The following EPM2A variants were observed in gnomAD, a reference collection of about 807,000 sequenced individuals.
The protein encoded by EPM2A is EPM2A glucan phosphatase, laforin.
EPM2A carries 21 observed loss-of-function variants against 26.5 expected under a neutral mutation model. The observed-to-expected ratio is 0.79, with a 90% CI of 0.56 to 1.14. EPM2A has a LOEUF of 1.14. Ranked by LOEUF, EPM2A falls within the 50% of genes most tolerant of loss-of-function variation. The pLI is 0.00. For missense variants in EPM2A, 458 were observed against 440.8 expected, an observed-to-expected ratio of 1.04 and a Z score of -0.35; for synonymous variants, 217 against 177.6, an observed-to-expected ratio of 1.22 and a Z score of -1.76.
At chr6:145,656,720 T>C (rs950691400) in intron 2 of EPM2A, among the ~76,000 whole-genome samples, 1 of 152,190 alleles carries the variant, frequency 6.6e-6, no homozygotes. Context: ...AAAGGAGTTG[T>C]ATGAAGCTGA....
chr6:145,572,123 C>T (rs1236303077), intron 2 of EPM2A, among the ~76,000 whole-genome samples: 2 of 152,206 alleles, frequency 1.3e-5, no homozygotes, highest in African/African-American at 4.8e-5. Flanking sequence ...ACCAGGCGCA[C>T]TGCTCAAAGT....
At chr6:145,497,380 C>A (rs2114747200), downstream of EPM2A, among the ~76,000 whole-genome samples, 1 of 152,304 alleles carries the variant, frequency 6.6e-6, no homozygotes, top group South Asian at 2.1e-4. Context: ...GTGAAGCCTG[C>A]AAAACAGCAA....
intron 2 of EPM2A, among the ~76,000 whole-genome samples, chr6:145,661,148 G>C (rs553832978): frequency 6.6e-6 from 1 of 151,892 alleles, no homozygotes; most frequent in East Asian, 1.9e-4. Flanking sequence ...AAATAAGAAA[G>C]GGGAACAGAA....
At chr6:145,574,086 C>G (rs370365233) in intron 2 of EPM2A, among the ~76,000 whole-genome samples, 1 of 152,156 alleles carries the variant, frequency 6.6e-6, no homozygotes, top group Non-Finnish European at 1.5e-5. Context: ...GATCCTTCCT[C>G]AAGGGGATCC....
chr6:145,411,712 A>C (rs1429993450), intron 4 of EPM2A, among the ~76,000 whole-genome samples: 1 of 152,224 alleles, frequency 6.6e-6, no homozygotes, highest in South Asian at 2.1e-4. Context: ...CAACCCACAC[A>C]TGCCAAGCAT....
intron 1 of EPM2A, among the ~76,000 whole-genome samples, chr6:145,733,170 T>C (rs1022745791): frequency 2.0e-5 from 3 of 152,168 alleles, no homozygotes; most frequent in Non-Finnish European, 4.4e-5. Flanking sequence ...CAGGAAGAAA[T>C]TGTAATATTT....
chr6:145,488,071 G>T (rs2114738739), intron 4 of EPM2A, among the ~76,000 whole-genome samples: 1 of 122,800 alleles, frequency 8.1e-6, no homozygotes, highest in Admixed American at 7.8e-5. Context: ...TTATTGAATA[G>T]GGAATTCTTT....
intron 2 of EPM2A, among the ~76,000 whole-genome samples, chr6:145,530,665 T>C (rs1780341061): frequency 6.6e-6 from 1 of 152,184 alleles, no homozygotes; most frequent in African/African-American, 2.4e-5. Context: ...ACCTGTAATG[T>C]GCCCATAGCT....
At chr6:145,583,815 C>T (rs1356232480) in intron 2 of EPM2A, among the ~76,000 whole-genome samples, 2 of 152,256 alleles carry the variant, frequency 1.3e-5, no homozygotes, top group African/African-American at 4.8e-5. Context: ...TCCGTGCACA[C>T]ATTTGCACCA....
chr6:145,650,052 A>T (rs1051699205), intron 2 of EPM2A, among the ~76,000 whole-genome samples: 4 of 152,170 alleles, frequency 2.6e-5, no homozygotes, highest in Non-Finnish European at 4.4e-5. Flanking sequence ...ATGGGGGTGG[A>T]GGCTCTCGAT....
rs748514820 is a variant in EPM2A, at chr6:145,627,610, C to T, written c.802G>A (p.Ala268Thr). ...GCCGCGGTGGAGCGGCCCACCCCAG[C>T]GTTGCAGTGCACGTACACGATGTGT... ...KGHIVYVHCNAGVGRSTAAVC... is the reference protein window; with the variant it reads ...KGHIVYVHCNTGVGRSTAAVC... The change falls in exon 4 of 4, where the codon GCT (alanine) becomes ACT (threonine). Residue 268 changes from alanine to threonine, a missense_variant. Physicochemically the swap from Ala to Thr is moderately conservative, Grantham distance 58. Transcript: ENST00000367519. 2.5e-5 allele frequency: 40 copies of T among 1,614,076 alleles called. No individual in the cohort carries two copies. The highest frequency in any genetic ancestry group is 3.3e-4 in the Middle Eastern group (2 of 6,084).
intron 4 of EPM2A, among the ~76,000 whole-genome samples, chr6:145,395,571 T>G (rs1778394291): frequency 6.6e-6 from 1 of 152,130 alleles, no homozygotes; most frequent in Non-Finnish European, 1.5e-5. Context: ...GTTGAGGCCC[T>G]TCTCACCCTG....
At chr6:145,385,759 A>G (rs1329828453) in intron 4 of EPM2A, among the ~76,000 whole-genome samples, 1 of 152,108 alleles carries the variant, frequency 6.6e-6, no homozygotes, top group Non-Finnish European at 1.5e-5. Flanking sequence ...CTCTTTACAA[A>G]TGACCATTTA....
chr6:145,504,265 G>A (rs62439605), intron 2 of EPM2A, among the ~76,000 whole-genome samples: 21,174 of 85,456 alleles, frequency 0.25, 2,006 homozygotes, highest in Non-Finnish European at 0.27. Flanking sequence ...AAACTAAAGA[G>A]CTTCTGCATA....
intron 2 of EPM2A, among the ~76,000 whole-genome samples, chr6:145,530,953 T>C (rs1167400428): frequency 1.3e-5 from 2 of 152,276 alleles, no homozygotes; most frequent in South Asian, 2.1e-4. Flanking sequence ...CTGTAAAAAG[T>C]ATATAACTAA....
intron 2 of EPM2A, among the ~76,000 whole-genome samples, chr6:145,573,290 C>A (rs1780984707): frequency 6.6e-6 from 1 of 152,202 alleles, no homozygotes; most frequent in Admixed American, 6.5e-5. Context: ...ATATTACTGG[C>A]CTTACCAGCT....
chr6:145,474,725 C>A (rs1335252993), intron 4 of EPM2A, among the ~76,000 whole-genome samples: 6 of 152,078 alleles, frequency 3.9e-5, no homozygotes, highest in Admixed American at 3.9e-4. Context: ...ATCCATCTGA[C>A]AAAGAGCTAA....
At chr6:145,623,534 G>A (rs1775681835), downstream of EPM2A, among the ~76,000 whole-genome samples, 2 of 152,228 alleles carry the variant, frequency 1.3e-5, no homozygotes, top group South Asian at 2.1e-4. Flanking sequence ...GTGGAAGGCA[G>A]TAAGTAGGAG....
At chr6:145,657,928 T>G (rs562971323) in intron 2 of EPM2A, among the ~76,000 whole-genome samples, 1 of 152,196 alleles carries the variant, frequency 6.6e-6, no homozygotes, top group Non-Finnish European at 1.5e-5. Flanking sequence ...CCTAAAGTGA[T>G]AGTACCAACC....
Sources: allele counts gnomAD v4.1 joint callset (sites outside exome capture counted in the v4.1 genomes callset), GRCh38; gene constraint gnomAD v4.1.1; transcripts MANE v1.5; gene names NCBI Gene and HGNC (gene_info 2026-07-23, HGNC 2026-07-21).